Variants in NPR3 observed in about 807,000 individuals in gnomAD.
The protein encoded by NPR3 is natriuretic peptide receptor 3.
A neutral mutation model predicts 54.5 loss-of-function variants in NPR3; 34 were observed. That is an observed-to-expected ratio of 0.62 (90% CI 0.47 to 0.83). The LOEUF is 0.83. Among genes scored for constraint, NPR3 ranks in the 40% least tolerant of loss-of-function variants. The pLI is 0.00. For synonymous variants in NPR3, 289 were observed against 297.1 expected, an observed-to-expected ratio of 0.97 and a Z score of 0.28; for missense variants, 674 against 720.8, an observed-to-expected ratio of 0.94 and a Z score of 0.74.
At chr5:32,782,778 A>G in intron 5 of NPR3, 115 bp from the exon 6 acceptor site, 1 of 1,018,284 alleles carries the variant, frequency 9.8e-7, no homozygotes, top group Non-Finnish European at 1.4e-6. Context: ...TGAAATGCCC[A>G]GAGGCAGCCA....
chr5:32,783,281 T>G (rs944094111), intron 6 of NPR3: 2 of 353,900 alleles, frequency 5.7e-6, no homozygotes, highest in African/African-American at 2.1e-5. Flanking sequence ...CTTGGCTAGG[T>G]CATGTTTCCA....
At chr5:32,707,647 A>C (rs1317825577), upstream of NPR3, among the ~76,000 whole-genome samples, 2 of 152,208 alleles carry the variant, frequency 1.3e-5, no homozygotes, top group African/African-American at 4.8e-5. Context: ...CACAGGCTTC[A>C]CAGGGGTATT....
intron 1 of NPR3, among the ~76,000 whole-genome samples, chr5:32,715,848 A>C (rs959955794): frequency 1.3e-5 from 2 of 152,250 alleles, no homozygotes; most frequent in Admixed American, 6.5e-5. Context: ...TTAGTATGTC[A>C]TTAATCTGGG....
chr5:32,767,376 C>A (rs554032812), intron 3 of NPR3, among the ~76,000 whole-genome samples: 178 of 152,222 alleles, frequency 1.2e-3, no homozygotes, highest in African/African-American at 4.1e-3. Context: ...ATAACAGTAC[C>A]CATCTATGAA....
At chr5:32,709,641 G>C (rs1042913510), upstream of NPR3, 2 of 151,938 alleles carry the variant, frequency 1.3e-5, no homozygotes, top group Non-Finnish European at 2.9e-5. Context: ...GAAGATTTCG[G>C]GATCACAGTG....
At position 32,786,459 on chromosome 5, in the gene NPR3, G is replaced by T; in HGVS notation, c.*114G>T. ...CTTGAAGAATTCATAATTTTAAGCA[G>T]TTAGTAATTTCATTTTAAAATTTCT... On this transcript the variant is annotated 3_prime_UTR_variant, in exon 8 of 8. Transcript: ENST00000265074. 1 of 646,130 alleles carries T rather than the reference G, an allele frequency of 1.5e-6. No individual in the cohort carries two copies. Among genetic ancestry groups the T allele is most frequent in the Non-Finnish European group, 2.8e-6 (1 of 361,592 alleles). 40.0% of individuals were successfully genotyped at this position (646,130 alleles called of 1,614,324 possible).
At chr5:32,767,434 A>G (rs778051019) in intron 3 of NPR3, among the ~76,000 whole-genome samples, 134 of 152,338 alleles carry the variant, frequency 8.8e-4, no homozygotes, top group Non-Finnish European at 1.2e-3. Context: ...CATAACTCCT[A>G]GCATATAGTA....
chr5:32,700,114 T>A (rs548503402), intron 1 of NPR3, among the ~76,000 whole-genome samples: 1 of 152,348 alleles, frequency 6.6e-6, no homozygotes, highest in African/African-American at 2.4e-5. Flanking sequence ...CTCTTGCTAC[T>A]TTTAGGATCC....
intron 3 of NPR3, among the ~76,000 whole-genome samples, chr5:32,770,944 AGGTTCAAG>A (rs1741724629): frequency 6.6e-6 from 1 of 152,100 alleles, no homozygotes; most frequent in Non-Finnish European, 1.5e-5. Context: ...TTGGACTTTG[AGGTTCAAG>A]GGTTGTTCTG....
intron 3 of NPR3, among the ~76,000 whole-genome samples, chr5:32,758,553 G>C (rs1003286966): frequency 6.6e-6 from 1 of 150,874 alleles, no homozygotes; most frequent in African/African-American, 2.4e-5. Context: ...CAAAAAACTA[G>C]CTCCTGGATG....
chr5:32,698,604 A>C (rs926635400), intron 1 of NPR3, among the ~76,000 whole-genome samples: 7 of 151,984 alleles, frequency 4.6e-5, no homozygotes, highest in African/African-American at 1.7e-4. Context: ...TTGTATTGGG[A>C]TCTATCTCTC....
At chr5:32,784,653 G>A (rs2112076308) in intron 6 of NPR3, 143 bp from the exon 7 acceptor site, 1 of 638,750 alleles carries the variant, frequency 1.6e-6, no homozygotes, top group East Asian at 2.8e-5. Context: ...AAAAACAAGT[G>A]TAGGGTCCCT....
At chr5:32,742,615 G>A (rs1433029739) in intron 3 of NPR3, among the ~76,000 whole-genome samples, 8 of 152,092 alleles carry the variant, frequency 5.3e-5, no homozygotes. Flanking sequence ...GTATTAAACA[G>A]AAGCAGTGAT....
rs139447590 is a variant in NPR3 at position 32,762,332 on chromosome 5, T to C, written c.1060-12376T>C. 2.1e-3 allele frequency among the ~76,000 whole-genome samples: 324 copies of C among 151,840 alleles called. 2 individuals are homozygous for C. The highest frequency in any genetic ancestry group is 7.2e-3 in the African/African-American group (301 of 41,526). ...CCAGTAGTGGGATTGCTAGGTCAAA[T>C]GGTATTTCTGGTTCTAGATCCTTGA... On this transcript the variant is annotated intron_variant, in intron 3 of 7. Coordinates refer to ENST00000265074, the MANE Select transcript of NPR3 (RefSeq NM_001204375.2).
chr5:32,714,378 C>A (rs1369357630), intron 1 of NPR3, among the ~76,000 whole-genome samples: 1 of 148,544 alleles, frequency 6.7e-6, no homozygotes, highest in African/African-American at 2.5e-5. Context: ...TGGGGCTGGG[C>A]GGACAGCAGT....
At position 32,711,560 on chromosome 5, in the gene NPR3, C is replaced by CTTTTTA; in HGVS notation, c.-212_-211insATTTTT. On this transcript the variant is annotated 5_prime_UTR_variant, in exon 1 of 8. Coordinates refer to ENST00000265074, the MANE Select transcript of NPR3 (RefSeq NM_001204375.2). ...TACACCCGGTGAACTTTTTCTTTTT[C>CTTTTTA]TTTTTCTTTTTTTTTTAAGAAAAAC... 1 of 1,238,638 alleles carries CTTTTTA rather than the reference C, an allele frequency of 8.1e-7. No homozygotes were observed. The highest frequency in any genetic ancestry group is 1.0e-6 in the Non-Finnish European group (1 of 994,306). 76.7% of individuals were successfully genotyped at this position (1,238,638 alleles called of 1,614,324 possible).
chr5:32,765,200 A>T (rs1249351627), intron 3 of NPR3, among the ~76,000 whole-genome samples: 1 of 152,208 alleles, frequency 6.6e-6, no homozygotes, highest in Non-Finnish European at 1.5e-5. Context: ...TCCCCTTGGC[A>T]GCAGCTGCTG....
rs550915599 is a variant in NPR3, at chr5:32,791,600, A to G, written c.*5255A>G. ...TGCGAACTGGTCATTTAAAATATCT[A>G]CTTCATTTGATGTTTGGATATAAAT... On this transcript the variant is annotated 3_prime_UTR_variant, in exon 8 of 8. Coordinates refer to ENST00000265074, the MANE Select transcript of NPR3 (RefSeq NM_001204375.2). 3.0e-5 allele frequency: 5 copies of G among 167,170 alleles called. No individual in the cohort carries two copies. In the East Asian group the frequency reaches 7.7e-4, roughly 26 times the overall value. The allele number at this position is 167,170 out of a possible 1,614,324, so 10.4% of individuals were successfully genotyped here.
chr5:32,750,633 G>A (rs1278262444), intron 3 of NPR3, among the ~76,000 whole-genome samples: 1 of 152,114 alleles, frequency 6.6e-6, no homozygotes, highest in African/African-American at 2.4e-5. Context: ...GTGGGGTGGA[G>A]GTGGGGTGGG....
Sources: allele counts gnomAD v4.1 joint callset (sites outside exome capture counted in the v4.1 genomes callset), GRCh38; gene constraint gnomAD v4.1.1; transcripts MANE v1.5; gene names NCBI Gene and HGNC (gene_info 2026-07-23, HGNC 2026-07-21).